The following MAGI2 variants were observed in gnomAD, a reference collection of about 807,000 sequenced individuals.
MAGI2 encodes membrane-associated guanylate kinase, WW and PDZ domain-containing protein 2.
Under a neutral mutation model 133.3 loss-of-function variants are expected in MAGI2, and 35 were observed. That is an observed-to-expected ratio of 0.26 (90% CI 0.20 to 0.35). The LOEUF is 0.35. MAGI2 is among the 10% of genes least tolerant of loss of function. The pLI is 1.00. For synonymous variants in MAGI2, 729 were observed against 710.6 expected (o/e 1.03, Z -0.41); for missense variants, 1,636 against 1,863.4 (o/e 0.88, Z 2.25).
intron 1 of MAGI2, among the ~76,000 whole-genome samples, chr7:79,237,174 A>G (rs1831990217): frequency 1.3e-5 from 2 of 152,214 alleles, no homozygotes; most frequent in Non-Finnish European, 2.9e-5. Context: ...GTCTTTACAA[A>G]CTCACAAAAT....
chr7:78,547,259 T>C (rs1798923966), intron 3 of MAGI2, among the ~76,000 whole-genome samples: 1 of 152,180 alleles, frequency 6.6e-6, no homozygotes, highest in Admixed American at 6.5e-5. Context: ...TTAAAATAAG[T>C]AAGATTATTT....
chr7:78,077,702 A>G (rs950490419), intron 21 of MAGI2, among the ~76,000 whole-genome samples: 4 of 151,540 alleles, frequency 2.6e-5, no homozygotes, highest in African/African-American at 9.7e-5. Context: ...GAATAATCTG[A>G]AATGAAAAGT....
intron 21 of MAGI2, among the ~76,000 whole-genome samples, chr7:78,057,985 A>ATATATATATATATATATATATGTGTGTG (rs1812786388): frequency 2.3e-5 from 1 of 42,592 alleles, no homozygotes; most frequent in Non-Finnish European, 5.6e-5. Context: ...GTGTATATAT[A>ATATATATATATATATATATATGTGTGTG]TATATATATA....
intron 3 of MAGI2, among the ~76,000 whole-genome samples, chr7:78,555,532 T>C (rs1799748377): frequency 6.6e-6 from 1 of 152,190 alleles, no homozygotes; most frequent in African/African-American, 2.4e-5. Flanking sequence ...GAAATAAAGA[T>C]ATTACAAAAT....
chr7:78,652,519 G>A (rs976786944), intron 2 of MAGI2, among the ~76,000 whole-genome samples: 3 of 152,098 alleles, frequency 2.0e-5, no homozygotes, highest in African/African-American at 7.2e-5. Flanking sequence ...AAAAGCAATG[G>A]GGAAAGGGTT....
chr7:78,580,438 C>G (rs1454982767), intron 3 of MAGI2, among the ~76,000 whole-genome samples: 1 of 152,202 alleles, frequency 6.6e-6, no homozygotes, highest in Non-Finnish European at 1.5e-5. Flanking sequence ...CAAATGTTAT[C>G]TGATGAGTAT....
intron 6 of MAGI2, among the ~76,000 whole-genome samples, chr7:78,376,967 A>C (rs754088671): frequency 3.3e-5 from 5 of 152,176 alleles, no homozygotes; most frequent in Non-Finnish European, 5.9e-5. Flanking sequence ...TTTGGGAAGC[A>C]ACTATATATG....
intron 2 of MAGI2, among the ~76,000 whole-genome samples, chr7:78,760,798 C>T (rs970411860): frequency 4.6e-5 from 7 of 152,140 alleles, no homozygotes; most frequent in Non-Finnish European, 8.8e-5. Flanking sequence ...ACTCAGCTGG[C>T]AGGAAGTCAA....
At chr7:78,831,138 C>T (rs1791109677) in intron 2 of MAGI2, among the ~76,000 whole-genome samples, 1 of 152,092 alleles carries the variant, frequency 6.6e-6, no homozygotes, top group Non-Finnish European at 1.5e-5. Flanking sequence ...ACAAGCAAAA[C>T]TGTGATATGA....
chr7:79,014,568 T>A (rs1033438889), intron 1 of MAGI2, among the ~76,000 whole-genome samples: 4 of 152,050 alleles, frequency 2.6e-5, no homozygotes, highest in Non-Finnish European at 5.9e-5. Flanking sequence ...AAATTCAGCA[T>A]AATGAAAGGA....
chr7:78,070,969 G>C (rs1485337425), intron 21 of MAGI2, among the ~76,000 whole-genome samples: 1 of 151,942 alleles, frequency 6.6e-6, no homozygotes, highest in African/African-American at 2.4e-5. Context: ...CACTGTACCC[G>C]GTCTGGTCTA....
chr7:78,541,338 T>A (rs969059127), intron 3 of MAGI2, among the ~76,000 whole-genome samples: 4 of 152,226 alleles, frequency 2.6e-5, no homozygotes, highest in Non-Finnish European at 5.9e-5. Context: ...TATTTTCCTG[T>A]AATTATTTAT....
chr7:78,542,518 T>G (rs1798496733), intron 3 of MAGI2, among the ~76,000 whole-genome samples: 1 of 152,122 alleles, frequency 6.6e-6, no homozygotes, highest in Non-Finnish European at 1.5e-5. Flanking sequence ...GAGAACTCCC[T>G]TAGACAGATT....
intron 1 of MAGI2, among the ~76,000 whole-genome samples, chr7:79,187,982 G>A (rs1471938945): frequency 6.6e-6 from 1 of 151,814 alleles, no homozygotes; most frequent in South Asian, 2.1e-4. Context: ...CCACTAAAAG[G>A]TTTATTTGGA....
chr7:78,286,379 A>G (rs557160137), intron 9 of MAGI2, among the ~76,000 whole-genome samples: 1 of 152,268 alleles, frequency 6.6e-6, no homozygotes, highest in South Asian at 2.1e-4. Context: ...GTAGTGTTAT[A>G]CAAAATATAT....
rs1399849262 is a variant in MAGI2 at position 79,382,862 on chromosome 7, T to G, written c.301+70158A>C. On this transcript the variant is annotated intron_variant, in intron 1 of 21. Coordinates refer to ENST00000354212, the MANE Select transcript of MAGI2 (RefSeq NM_012301.4). ...AGATTATAAATCTCTGAGAGATATC[T>G]CCACTTCTTAAACATTATCTTTTAA... Among the ~76,000 whole-genome samples, 3 of 151,574 alleles carry G rather than the reference T, an allele frequency of 2.0e-5. No individual in the cohort carries two copies. In the East Asian group the frequency reaches 5.8e-4, roughly 29 times the overall value.
intron 1 of MAGI2, among the ~76,000 whole-genome samples, chr7:79,081,857 A>C (rs13438163): frequency 0.041 from 6,290 of 152,086 alleles, 410 homozygotes; most frequent in African/African-American, 0.14. Flanking sequence ...ACACTGAAAC[A>C]ATTACATTTG....
intron 14 of MAGI2, among the ~76,000 whole-genome samples, chr7:78,174,411 G>A (rs1381716634): frequency 6.6e-6 from 1 of 152,178 alleles, no homozygotes; most frequent in East Asian, 1.9e-4. Flanking sequence ...ACCCTTAAAT[G>A]CCCTGTAATT....
intron 3 of MAGI2, among the ~76,000 whole-genome samples, chr7:78,543,837 T>G (rs571501599): frequency 6.6e-6 from 1 of 152,372 alleles, no homozygotes; most frequent in African/African-American, 2.4e-5. Context: ...TAATATGAAC[T>G]TTTTAGTCAT....
Sources: allele counts gnomAD v4.1 joint callset (sites outside exome capture counted in the v4.1 genomes callset), GRCh38; gene constraint gnomAD v4.1.1; transcripts MANE v1.5; gene names NCBI Gene and HGNC (gene_info 2026-07-23, HGNC 2026-07-21).